Variants in SEPTIN7 observed in about 807,000 individuals in gnomAD.
The protein encoded by SEPTIN7 is septin-7.
Under a neutral mutation model 63.3 loss-of-function variants are expected in SEPTIN7, and 10 were observed. That is an observed-to-expected ratio of 0.16 (90% CI 0.10 to 0.27). SEPTIN7 has a LOEUF of 0.27. Ranked by LOEUF, SEPTIN7 falls within the 10% of genes least tolerant of loss-of-function variation. SEPTIN7 has a pLI of 1.00. For missense variants in SEPTIN7, 310 were observed against 521.0 expected, an observed-to-expected ratio of 0.59 and a Z score of 3.94; for synonymous variants, 131 against 165.3, an observed-to-expected ratio of 0.79 and a Z score of 1.59.
intron 1 of SEPTIN7, among the ~76,000 whole-genome samples, chr7:35,824,023 A>ATG (rs778360627): frequency 2.8e-5 from 4 of 142,220 alleles, no homozygotes; most frequent in Non-Finnish European, 4.6e-5. Flanking sequence ...TTTTTTTTTT[A>ATG]AGTGCTTAAA....
intron 3 of SEPTIN7, among the ~76,000 whole-genome samples, chr7:35,856,438 T>C (rs1320012497): frequency 6.6e-6 from 1 of 152,220 alleles, no homozygotes; most frequent in Non-Finnish European, 1.5e-5. Context: ...CTGCTGCAAA[T>C]ACCTGTGTGT....
intron 3 of SEPTIN7, among the ~76,000 whole-genome samples, chr7:35,836,429 T>C (rs1784087003): frequency 6.6e-6 from 1 of 152,196 alleles, no homozygotes; most frequent in Non-Finnish European, 1.5e-5. Context: ...AATTCAGTCA[T>C]TTCTGTAATC....
chr7:35,804,034 T>C (rs777682996), intron 1 of SEPTIN7, among the ~76,000 whole-genome samples: 3 of 152,190 alleles, frequency 2.0e-5, no homozygotes, highest in Non-Finnish European at 4.4e-5. Context: ...ATGTACAGTA[T>C]GGATGAGTCA....
At chr7:35,867,429 A>ATGT (rs1223458728) in intron 4 of SEPTIN7, among the ~76,000 whole-genome samples, 1 of 152,178 alleles carries the variant, frequency 6.6e-6, no homozygotes, top group Non-Finnish European at 1.5e-5. Context: ...GGTTCACTAC[A>ATGT]ACCTCCACCT....
At chr7:35,822,632 G>A (rs778181842) in intron 1 of SEPTIN7, among the ~76,000 whole-genome samples, 3 of 152,242 alleles carry the variant, frequency 2.0e-5, no homozygotes, top group Non-Finnish European at 4.4e-5. Context: ...CCTCTTGTGC[G>A]GCCCAGTTCC....
intron 1 of SEPTIN7, among the ~76,000 whole-genome samples, chr7:35,809,736 G>A (rs1788576124): frequency 2.0e-5 from 3 of 152,218 alleles, no homozygotes; most frequent in Admixed American, 2.0e-4. Flanking sequence ...GAGGTAAGTA[G>A]GCAACTGGTA....
chr7:35,871,424 A>C (rs1259523294), intron 4 of SEPTIN7, among the ~76,000 whole-genome samples: 1 of 152,200 alleles, frequency 6.6e-6, no homozygotes, highest in African/African-American at 2.4e-5. Flanking sequence ...TCAGCTCCTC[A>C]TTTGCAGTAG....
intron 3 of SEPTIN7, among the ~76,000 whole-genome samples, chr7:35,855,925 T>C (rs1785181440): frequency 1.3e-5 from 2 of 152,214 alleles, no homozygotes; most frequent in Admixed American, 6.5e-5. Context: ...ATTAGTCTTT[T>C]AATGTGGAAC....
chr7:35,878,822 A>G (rs1444741661), intron 6 of SEPTIN7, among the ~76,000 whole-genome samples: 2 of 152,318 alleles, frequency 1.3e-5, no homozygotes, highest in Middle Eastern at 3.4e-3. Flanking sequence ...TAAGGAGCCC[A>G]TGGAACACCC....
intron 3 of SEPTIN7, among the ~76,000 whole-genome samples, chr7:35,850,758 C>T (rs1441678036): frequency 6.6e-6 from 1 of 152,064 alleles, no homozygotes; most frequent in African/African-American, 2.4e-5. Context: ...CATATCTTAC[C>T]TCTTGTAGCA....
At chr7:35,840,428 A>T (rs1220632082) in intron 3 of SEPTIN7, among the ~76,000 whole-genome samples, 1 of 150,512 alleles carries the variant, frequency 6.6e-6, no homozygotes, top group Non-Finnish European at 1.5e-5. Context: ...CCAGCTAATT[A>T]AAAAAATAAA....
At chr7:35,822,263 T>C (rs1789468104) in intron 1 of SEPTIN7, among the ~76,000 whole-genome samples, 1 of 151,252 alleles carries the variant, frequency 6.6e-6, no homozygotes, top group Non-Finnish European at 1.5e-5. Flanking sequence ...GATTTCACCA[T>C]GTTGCCCAGG....
intron 12 of SEPTIN7, chr7:35,899,141 G>A (rs1339118025): frequency 6.6e-6 from 1 of 152,220 alleles, no homozygotes; most frequent in Non-Finnish European, 1.5e-5. Flanking sequence ...CAGTTAGTTT[G>A]ATAGATGTCT....
intron 11 of SEPTIN7, among the ~76,000 whole-genome samples, chr7:35,897,292 A>G (rs923462783): frequency 6.6e-6 from 1 of 152,174 alleles, no homozygotes; most frequent in Admixed American, 6.5e-5. Flanking sequence ...AGTTTGTCCC[A>G]GGGTATTGAA....
chr7:35,858,241 A>G (rs1337887979), intron 3 of SEPTIN7, among the ~76,000 whole-genome samples: 2 of 152,068 alleles, frequency 1.3e-5, no homozygotes, highest in African/African-American at 2.4e-5. Flanking sequence ...CACCACGCCC[A>G]ACCCCCACTT....
chr7:35,895,751 T>G (rs1787922290), intron 11 of SEPTIN7, among the ~76,000 whole-genome samples: 1 of 152,214 alleles, frequency 6.6e-6, no homozygotes, highest in South Asian at 2.1e-4. Context: ...CCTTTAGGTA[T>G]GATACAGTTG....
rs887493148 is a variant in SEPTIN7, at chr7:35,890,526, A to G, written c.873-142A>G. On this transcript the variant is annotated intron_variant, in intron 10 of 13. Transcript: ENST00000350320. ...GTGTAAATGAAAACAGATGAATGCCACCTTCCTTAACAATAGTCTTTTGTT... is the reference window on the plus strand; with the variant it reads ...GTGTAAATGAAAACAGATGAATGCCGCCTTCCTTAACAATAGTCTTTTGTT... 3 of 610,596 alleles carry G rather than the reference A, an allele frequency of 4.9e-6. No individual in the cohort carries two copies. In the African/African-American group the frequency reaches 5.8e-5, roughly 12 times the overall value. 37.8% of individuals were successfully genotyped at this position (610,596 alleles called of 1,614,324 possible). A position where few individuals can be genotyped will look rare whatever the true frequency, so the allele number is the denominator to read the frequency against.
chr7:35,822,181 G>A (rs1257481230), intron 1 of SEPTIN7, among the ~76,000 whole-genome samples: 1 of 152,014 alleles, frequency 6.6e-6, no homozygotes, highest in Non-Finnish European at 1.5e-5. Context: ...CCAGGTTCAA[G>A]CAATTCTCGT....
chr7:35,816,431 A>G (rs557714423), intron 1 of SEPTIN7, among the ~76,000 whole-genome samples: 4 of 152,124 alleles, frequency 2.6e-5, no homozygotes, highest in African/African-American at 9.6e-5. Flanking sequence ...TTATTGCTGG[A>G]TATTATTCTG....
Sources: gnomAD v4.1 joint callset for allele counts (sites outside exome capture counted in the v4.1 genomes callset) on GRCh38, gnomAD v4.1.1 for gene constraint, MANE v1.5 for transcripts, NCBI Gene and HGNC (gene_info 2026-07-23, HGNC 2026-07-21) for gene names.